The following GLIS3 variants were observed in gnomAD, a reference collection of about 807,000 sequenced individuals.
The protein encoded by GLIS3 is zinc finger protein GLIS3.
A neutral mutation model predicts 78.6 loss-of-function variants in GLIS3; 53 were observed. The observed-to-expected ratio is 0.67, with a 90% confidence interval of 0.54 to 0.85. The LOEUF (loss-of-function observed/expected upper bound fraction) is 0.85. Among genes scored for constraint, GLIS3 ranks in the 40% least tolerant of loss-of-function variants. GLIS3 has a pLI of 0.00. For synonymous variants in GLIS3, 684 were observed against 509.9 expected (o/e 1.34, Z -4.60); for missense variants, 1,703 against 1,231.1 (o/e 1.38, Z -5.74).
chr9:4,010,845 C>T (rs1821945969), intron 4 of GLIS3, among the ~76,000 whole-genome samples: 3 of 152,130 alleles, frequency 2.0e-5, no homozygotes, highest in Admixed American at 2.0e-4. Flanking sequence ...ACGTATGAAC[C>T]CATGAACCTG....
At position 4,171,427 on chromosome 9, in the gene GLIS3, A is replaced by G. The variant is rs188337656; in HGVS notation, c.389-45486T>C. 1.9e-3 allele frequency among the ~76,000 whole-genome samples: 294 copies of G among 152,302 alleles called. 4 individuals carry two copies. The highest frequency in any genetic ancestry group is 2.4e-4 in the Non-Finnish European group (16 of 68,018). On this transcript the variant is annotated intron_variant, in intron 2 of 10. Coordinates refer to ENST00000381971, the MANE Select transcript of GLIS3 (RefSeq NM_001042413.2). ...GTTCTCCAACTTGAAAAAAAATGTT[A>G]AACTCTGTCTTTGGGCTTCCATTTT...
chr9:4,004,356 G>A (rs1172642207), intron 4 of GLIS3, among the ~76,000 whole-genome samples: 1 of 152,130 alleles, frequency 6.6e-6, no homozygotes, highest in African/African-American at 2.4e-5. Context: ...TGGAAGTGAT[G>A]GGGCCAGGGA....
intron 2 of GLIS3, among the ~76,000 whole-genome samples, chr9:4,201,397 C>A (rs1232902422): frequency 6.6e-6 from 1 of 152,252 alleles, no homozygotes; most frequent in Middle Eastern, 3.4e-3. Context: ...CAAACTGTCC[C>A]GTCTTTGTGG....
intron 4 of GLIS3, among the ~76,000 whole-genome samples, chr9:3,981,375 T>C (rs1819267507): frequency 6.6e-6 from 1 of 152,212 alleles, no homozygotes; most frequent in Non-Finnish European, 1.5e-5. Context: ...AAAGCCTGAC[T>C]CTAGCTTCCA....
intron 2 of GLIS3, among the ~76,000 whole-genome samples, chr9:4,344,630 T>C (rs951594967): frequency 6.6e-6 from 1 of 152,206 alleles, no homozygotes; most frequent in Non-Finnish European, 1.5e-5. Context: ...TCATTTTCAG[T>C]CTAAACTTTC....
At chr9:4,096,003 C>A (rs1171478928) in intron 4 of GLIS3, among the ~76,000 whole-genome samples, 4 of 96,418 alleles carry the variant, frequency 4.1e-5, no homozygotes, top group African/African-American at 9.8e-5. Flanking sequence ...CACCCAGTAA[C>A]CTATACAAAA....
intron 7 of GLIS3, among the ~76,000 whole-genome samples, chr9:3,895,204 C>T (rs1244321427): frequency 6.6e-6 from 1 of 152,224 alleles, no homozygotes; most frequent in East Asian, 1.9e-4. Context: ...AGCACTAAGC[C>T]TTGAAAGTGG....
At chr9:3,942,458 A>ATAC (rs1815997098) in intron 4 of GLIS3, among the ~76,000 whole-genome samples, 1 of 152,210 alleles carries the variant, frequency 6.6e-6, no homozygotes, top group Non-Finnish European at 1.5e-5. Context: ...AATCCTGCAG[A>ATAC]TACTGTCAAA....
intron 4 of GLIS3, among the ~76,000 whole-genome samples, chr9:4,005,108 A>G (rs16920327): frequency 0.1 from 15,525 of 152,170 alleles, 868 homozygotes; most frequent in South Asian, 0.18. Context: ...ACTTTCCCAC[A>G]TTTGTGTCAT....
intron 2 of GLIS3, among the ~76,000 whole-genome samples, chr9:4,221,058 A>C (rs535340091): frequency 6.6e-6 from 1 of 152,242 alleles, no homozygotes; most frequent in East Asian, 1.9e-4. Flanking sequence ...AAAATAGAGG[A>C]TATCTTTTTT....
At chr9:4,358,388 T>C in the GLIS3 span, among the ~76,000 whole-genome samples, 1 of 152,156 alleles carries the variant, frequency 6.6e-6, no homozygotes, top group African/African-American at 2.4e-5. Flanking sequence ...TACCAAGCAA[T>C]GTCCCAAGTA....
At chr9:4,103,162 A>G (rs1830499148) in intron 4 of GLIS3, among the ~76,000 whole-genome samples, 1 of 152,186 alleles carries the variant, frequency 6.6e-6, no homozygotes, top group Non-Finnish European at 1.5e-5. Context: ...CAAATTCAAC[A>G]CATAGTACAC....
intron 4 of GLIS3, among the ~76,000 whole-genome samples, chr9:3,982,433 G>C (rs1249990617): frequency 1.3e-5 from 2 of 152,082 alleles, no homozygotes; most frequent in South Asian, 4.1e-4. Context: ...TAGTCATCTG[G>C]AATTGTAAAG....
chr9:4,283,238 A>C (rs1265568804), intron 2 of GLIS3, among the ~76,000 whole-genome samples: 1 of 150,632 alleles, frequency 6.6e-6, no homozygotes, highest in Admixed American at 6.6e-5. Context: ...TCCCTACCGG[A>C]GTCCTTACTG....
At chr9:3,858,915 C>T (rs1469957535) in intron 8 of GLIS3, among the ~76,000 whole-genome samples, 2 of 152,034 alleles carry the variant, frequency 1.3e-5, no homozygotes, top group African/African-American at 4.8e-5. Flanking sequence ...GTAAAAACAC[C>T]ACATAGTACC....
the GLIS3 span, among the ~76,000 whole-genome samples, chr9:4,387,828 A>G: frequency 6.6e-6 from 1 of 152,200 alleles, no homozygotes; most frequent in Admixed American, 6.5e-5. Context: ...AACTTTCACA[A>G]GAGAATTTAA....
upstream of GLIS3, among the ~76,000 whole-genome samples, chr9:4,351,396 CAAA>C (rs5896064): frequency 1.3e-4 from 15 of 113,424 alleles, no homozygotes; most frequent in Admixed American, 1.8e-4. Flanking sequence ...CAGAGTGTCT[CAAA>C]AAAAAAAAAA....
At chr9:4,327,272 G>C (rs1342851720) in intron 2 of GLIS3, among the ~76,000 whole-genome samples, 1 of 152,172 alleles carries the variant, frequency 6.6e-6, no homozygotes, top group Non-Finnish European at 1.5e-5. Flanking sequence ...GGTGGGCATG[G>C]CCAGAGGACA....
At chr9:4,478,431 T>C in the GLIS3 span, among the ~76,000 whole-genome samples, 1 of 152,030 alleles carries the variant, frequency 6.6e-6, no homozygotes, top group South Asian at 2.1e-4. Context: ...GCCAACATGG[T>C]GAAACCCCCT....
Sources: gnomAD v4.1 joint callset for allele counts (sites outside exome capture counted in the v4.1 genomes callset) on GRCh38, gnomAD v4.1.1 for gene constraint, MANE v1.5 for transcripts, NCBI Gene and HGNC (gene_info 2026-07-23, HGNC 2026-07-21) for gene names.